Variants in CDON observed in about 807,000 individuals in gnomAD.
CDON encodes cell adhesion molecule-related/down-regulated by oncogenes.
A neutral mutation model predicts 120.9 loss-of-function variants in CDON; 73 were observed. That is an observed-to-expected ratio of 0.60 (90% CI 0.50 to 0.73). The LOEUF is 0.73. Among genes scored for constraint, CDON ranks in the 30% least tolerant of loss-of-function variants. The pLI is 0.00. For synonymous variants in CDON, 566 were observed against 573.5 expected, an observed-to-expected ratio of 0.99 and a Z score of 0.19; for missense variants, 1,470 against 1,587.3, an observed-to-expected ratio of 0.93 and a Z score of 1.26.
chr11:126,018,507 C>A, intron 4 of CDON, 34 bp from the exon 5 acceptor site: 1 of 1,595,626 alleles, frequency 6.3e-7, no homozygotes, highest in Non-Finnish European at 8.6e-7. Flanking sequence ...TAGGCCTCTC[C>A]CTTTATGAAG....
At position 126,019,750 on chromosome 11, in the gene CDON, C is replaced by T; in HGVS notation, c.365G>A (p.Gly122Asp). Residue 122 changes from glycine to aspartate, a missense_variant, in exon 4 of 20, where the codon GGT becomes GAT. Gly to Asp is a moderately conservative substitution (Grantham distance 94). Coordinates refer to ENST00000531738, the MANE Select transcript of CDON (RefSeq NM_001378964.1). ...TGTAATAACATGCTTTGTGGATGAACCAAAATCACCAAGAACTGAAATATA... is the reference window on the plus strand; with the variant it reads ...TGTAATAACATGCTTTGTGGATGAATCAAAATCACCAAGAACTGAAATATA... ...TVSVAVLGDF[G>D]SSTKHVITAE... 1.9e-6 allele frequency: 3 copies of T among 1,612,676 alleles called. No homozygotes were observed. The highest frequency in any genetic ancestry group is 2.5e-6 in the Non-Finnish European group (3 of 1,178,924).
chr11:125,994,410 C>G (rs1169623064), intron 13 of CDON, 21 bp from the exon 14 acceptor site: 3 of 1,291,716 alleles, frequency 2.3e-6, no homozygotes, highest in Non-Finnish European at 3.4e-6. Flanking sequence ...GAAGCAAAGA[C>G]TTGTCAAAGA....
chr11:126,016,519 A>G (rs7930220), intron 6 of CDON, among the ~76,000 whole-genome samples: 15,810 of 151,846 alleles, frequency 0.1, 855 homozygotes, highest in Admixed American at 0.13. Flanking sequence ...TGCAACCTCC[A>G]CCTCCCGGGT....
intron 12 of CDON, 113 bp downstream of exon 12, chr11:125,997,094 A>G (rs1946811223): frequency 4.9e-6 from 4 of 823,308 alleles, no homozygotes; most frequent in Non-Finnish European, 8.2e-6. Flanking sequence ...AGCCATGATT[A>G]TGCCACTGCA....
intron 1 of CDON, among the ~76,000 whole-genome samples, chr11:126,062,195 G>A (rs1457691531): frequency 6.6e-6 from 1 of 152,200 alleles, no homozygotes; most frequent in Non-Finnish European, 1.5e-5. Context: ...TCTCGCGGGC[G>A]CTCTGCAGGG....
intron 1 of CDON, among the ~76,000 whole-genome samples, chr11:126,026,996 G>C (rs1019227131): frequency 6.6e-5 from 10 of 152,186 alleles, no homozygotes; most frequent in African/African-American, 2.2e-4. Flanking sequence ...AGTTGTCCTT[G>C]AAAGTTTCAC....
intron 1 of CDON, among the ~76,000 whole-genome samples, chr11:126,032,978 T>C (rs1046215900): frequency 2.0e-5 from 3 of 152,154 alleles, no homozygotes; most frequent in Admixed American, 6.5e-5. Context: ...ACTGTACTCC[T>C]AGCCTGGGTG....
intron 18 of CDON, among the ~76,000 whole-genome samples, chr11:125,962,498 TATA>T (rs1945672160): frequency 6.6e-6 from 1 of 152,260 alleles, no homozygotes; most frequent in African/African-American, 2.4e-5. Flanking sequence ...GAGGAAACGC[TATA>T]AGGATTAGAC....
intron 1 of CDON, among the ~76,000 whole-genome samples, chr11:126,045,058 C>G (rs1948367152): frequency 6.6e-6 from 1 of 152,152 alleles, no homozygotes; most frequent in African/African-American, 2.4e-5. Flanking sequence ...CGGAGTCTTG[C>G]TCCGTCGCCC....
chr11:125,995,005 T>C lies in CDON; in HGVS notation c.2410A>G (p.Ser804Gly), dbSNP rs769058132. 1.5e-5 allele frequency: 25 copies of C among 1,613,982 alleles called. No individual in the cohort carries two copies. The African/African-American group carries it at 3.3e-4, about 22-fold the overall frequency. The change falls in exon 13 of 20, where the codon AGT becomes GGT. Residue 804 changes from serine to glycine, a missense_variant. Physicochemically the swap from Ser to Gly is moderately conservative, Grantham distance 56 (BLOSUM62 0). Transcript: ENST00000531738. ...GGACGAGATGCTGAACTCCGAAAAC[T>C]CTCACCATAATGGTTGATGGCAATG... ...RVIAINHYGE[S>G]FRSSASRPYQ...
chr11:125,989,525 G>C, intron 15 of CDON, 112 bp downstream of exon 15: 1 of 1,021,902 alleles, frequency 9.8e-7, no homozygotes, highest in South Asian at 1.3e-5. Context: ...GACAGAGTGA[G>C]ACCGTGTCTC....
At chr11:125,993,750 A>T (rs1305736536) in intron 14 of CDON, among the ~76,000 whole-genome samples, 1 of 152,228 alleles carries the variant, frequency 6.6e-6, no homozygotes, top group Non-Finnish European at 1.5e-5. Flanking sequence ...CAGCCAGGTC[A>T]GGTGGGGCCT....
chr11:125,988,835 GTAGA>G (rs1443103657), intron 15 of CDON, among the ~76,000 whole-genome samples: 1 of 152,130 alleles, frequency 6.6e-6, no homozygotes, highest in African/African-American at 2.4e-5. Flanking sequence ...AATTAAACAA[GTAGA>G]TAGAAGTTAC....
chr11:125,988,251 T>C (rs1946524273), intron 15 of CDON, among the ~76,000 whole-genome samples: 1 of 151,970 alleles, frequency 6.6e-6, no homozygotes, highest in Non-Finnish European at 1.5e-5. Context: ...TTCCTGAAAA[T>C]AGACACGGTC....
At chr11:125,970,596 C>T (rs1279513414) in intron 18 of CDON, among the ~76,000 whole-genome samples, 1 of 152,226 alleles carries the variant, frequency 6.6e-6, no homozygotes, top group Non-Finnish European at 1.5e-5. Flanking sequence ...GATGGCACCG[C>T]TCCAGGGCCA....
intron 11 of CDON, among the ~76,000 whole-genome samples, chr11:125,999,000 G>A (rs544392310): frequency 3.9e-5 from 6 of 152,094 alleles, no homozygotes; most frequent in Admixed American, 6.5e-5. Flanking sequence ...AAATACATAC[G>A]AAAGAAGAAA....
intron 1 of CDON, among the ~76,000 whole-genome samples, chr11:126,033,123 T>C (rs900758386): frequency 6.6e-6 from 1 of 152,200 alleles, no homozygotes; most frequent in Non-Finnish European, 1.5e-5. Context: ...CTGCTGTGAC[T>C]GTAAATAAGG....
chr11:126,034,265 T>C lies in CDON; in HGVS notation c.-61-10728A>G, dbSNP rs1439426083. Among the ~76,000 whole-genome samples the C allele has an allele frequency of 1.3e-5, 2 of 151,730 alleles. No homozygotes were observed. The highest frequency in any genetic ancestry group is 2.4e-5 in the African/African-American group (1 of 41,234). ...TCCTTTCACCGTGGACTGCCAAAAG[T>C]AGAGGAAGAAAATGGAAGTGACTTG... On this transcript the variant is annotated intron_variant, in intron 1 of 19. Transcript: ENST00000531738. The surrounding 1 kb of genome is among the most constrained non-coding windows in gnomAD (Gnocchi z 4.5).
At chr11:126,044,611 T>C (rs1334211531) in intron 1 of CDON, among the ~76,000 whole-genome samples, 1 of 152,200 alleles carries the variant, frequency 6.6e-6, no homozygotes, top group Non-Finnish European at 1.5e-5. Context: ...TCAGAGGACA[T>C]TATGATAAGT....
Sources: gnomAD v4.1 joint callset for allele counts (sites outside exome capture counted in the v4.1 genomes callset) on GRCh38, gnomAD v4.1.1 for gene constraint, Gnocchi (gnomAD v3.1) non-coding constraint, MANE v1.5 for transcripts, NCBI Gene and HGNC (gene_info 2026-07-23, HGNC 2026-07-21) for gene names.